Variants in PAPPA2 observed in about 807,000 individuals in gnomAD.
PAPPA2 encodes pappalysin 2, also known as pappalysin-2.
In PAPPA2, 86 loss-of-function variants were observed where a neutral mutation model predicts 176.4. The ratio of observed to expected loss-of-function variants is 0.49; its 90% CI spans 0.41 to 0.58. PAPPA2 has a LOEUF of 0.58. Among genes scored for constraint, PAPPA2 ranks in the 20% least tolerant of loss-of-function variants. The pLI, the probability that PAPPA2 is intolerant of heterozygous loss-of-function variation, is 0.00. For synonymous variants in PAPPA2, 809 were observed against 852.2 expected, an observed-to-expected ratio of 0.95 and a Z score of 0.88; for missense variants, 2,073 against 2,256.9, an observed-to-expected ratio of 0.92 and a Z score of 1.65.
intron 9 of PAPPA2, among the ~76,000 whole-genome samples, chr1:176,703,622 G>A (rs1038745288): frequency 2.6e-5 from 4 of 152,120 alleles, no homozygotes; most frequent in Admixed American, 2.0e-4. Context: ...AGCCCTAATG[G>A]GAATCAATTC....
Position 176,595,282 on chromosome 1 carries a change from C to T in PAPPA2, c.1678C>T (p.Arg560Cys), listed in dbSNP as rs575778188. The change falls in exon 3 of 23, where the codon CGC becomes TGC. Residue 560 changes from arginine to cysteine, a missense_variant. Transcript: ENST00000367662. ...CGAGGCACTGAATGAGGCCTTCAGC[C>T]GCTACAACATCAGCTGGCAGCTGAG... ...QHEALNEAFS[R>C]YNISWQLSVH... 9.9e-6 allele frequency: 16 copies of T among 1,614,172 alleles called. No individual in the cohort carries two copies. Among genetic ancestry groups the T allele is most frequent in the South Asian group, 5.5e-5 (5 of 91,082 alleles).
intron 21 of PAPPA2, among the ~76,000 whole-genome samples, chr1:176,806,871 C>T (rs1665928889): frequency 6.6e-6 from 1 of 152,182 alleles, no homozygotes; most frequent in Admixed American, 6.5e-5. Context: ...AGGTCCTTCT[C>T]TTATAGGGCC....
chr1:176,465,186 G>C (rs1271076348), intron 1 of PAPPA2, among the ~76,000 whole-genome samples: 2 of 152,156 alleles, frequency 1.3e-5, no homozygotes, highest in East Asian at 3.9e-4. Context: ...ACTTTTTGCT[G>C]TGGTAAATGC....
intron 17 of PAPPA2, among the ~76,000 whole-genome samples, chr1:176,780,714 T>G (rs1416035047): frequency 6.6e-6 from 1 of 152,178 alleles, no homozygotes; most frequent in South Asian, 2.1e-4. Context: ...CCGCAAGACC[T>G]AATATAATAA....
chr1:176,547,269 C>T (rs917026767), intron 1 of PAPPA2, among the ~76,000 whole-genome samples: 3 of 152,246 alleles, frequency 2.0e-5, no homozygotes, highest in Admixed American at 1.3e-4. Flanking sequence ...ACATTTTACC[C>T]CACTGCCACC....
At position 176,733,190 on chromosome 1, in the gene PAPPA2, T is replaced by A. The variant is rs181301656; in HGVS notation, c.3799-6436T>A. On this transcript the variant is annotated intron_variant, in intron 12 of 22. Transcript: ENST00000367662. ...TTGAGCTAAAAAGGTTAGGGACTGC[T>A]GAATTTCAGGATTCTCTACTTGAGG... Among the ~76,000 whole-genome samples the A allele has an allele frequency of 2.7e-4, 41 of 152,326 alleles. No individual in the cohort carries two copies. In the East Asian group the frequency reaches 4.2e-3, roughly 16 times the overall value.
rs1221073346 is a variant in PAPPA2, at chr1:176,800,218, C to G, written c.5202+86C>G. On this transcript the variant is annotated intron_variant, in intron 21 of 22. Coordinates refer to ENST00000367662, the MANE Select transcript of PAPPA2 (RefSeq NM_020318.3). ...AGCTTGAATCCTTCTAATTTAGGAC[C>G]TGGTCCCTCTCCTATTCCTCTGTCC... 6.1e-6 allele frequency: 8 copies of G among 1,301,012 alleles called. No homozygotes were observed. The Admixed American group carries it at 1.1e-4, about 17-fold the overall frequency. The allele number at this position is 1,301,012 out of a possible 1,614,324, so 80.6% of individuals were successfully genotyped here.
At chr1:176,789,441 T>C (rs1244837821) in intron 17 of PAPPA2, among the ~76,000 whole-genome samples, 2 of 152,024 alleles carry the variant, frequency 1.3e-5, no homozygotes, top group East Asian at 1.9e-4. Flanking sequence ...TTAGGAGATA[T>C]ACCTAATGCT....
intron 3 of PAPPA2, among the ~76,000 whole-genome samples, chr1:176,624,369 A>G (rs965647082): frequency 2.6e-5 from 4 of 152,216 alleles, no homozygotes; most frequent in Non-Finnish European, 5.9e-5. Context: ...ACTAAGCCTT[A>G]TAAATCATGA....
chr1:176,733,733 A>G (rs1008470309), intron 12 of PAPPA2, among the ~76,000 whole-genome samples: 21 of 152,254 alleles, frequency 1.4e-4, no homozygotes, highest in Middle Eastern at 3.4e-3. Flanking sequence ...TTTGTCTTAA[A>G]TGGGTTTCTC....
chr1:176,553,375 TG>T (rs1368529085), intron 1 of PAPPA2: 1 of 126,100 alleles, frequency 7.9e-6, no homozygotes, highest in Non-Finnish European at 1.7e-5. Context: ...GTTGCGGGTA[TG>T]GGGCTGTTGA....
chr1:176,508,689 A>G (rs1648435429), intron 1 of PAPPA2, among the ~76,000 whole-genome samples: 1 of 152,006 alleles, frequency 6.6e-6, no homozygotes, highest in African/African-American at 2.4e-5. Context: ...ATGTTGGGGG[A>G]GTGACCTCGT....
intron 1 of PAPPA2, among the ~76,000 whole-genome samples, chr1:176,487,631 G>T (rs1190505670): frequency 2.0e-5 from 3 of 152,186 alleles, no homozygotes; most frequent in Non-Finnish European, 4.4e-5. Context: ...GGTTCACCAA[G>T]AATTCATTGT....
chr1:176,626,889 C>CTTTT (rs547179481), intron 3 of PAPPA2, among the ~76,000 whole-genome samples: 1 of 127,776 alleles, frequency 7.8e-6, no homozygotes, highest in Non-Finnish European at 1.7e-5. Context: ...CCTGTTTTTC[C>CTTTT]TTTTTTTTTT....
At chr1:176,744,451 C>T (rs1410774976) in intron 14 of PAPPA2, among the ~76,000 whole-genome samples, 1 of 152,160 alleles carries the variant, frequency 6.6e-6, no homozygotes, top group Non-Finnish European at 1.5e-5. Context: ...ATCCTCAAAC[C>T]TCTAGGATTC....
chr1:176,484,994 A>G (rs1332278077), intron 1 of PAPPA2, among the ~76,000 whole-genome samples: 2 of 152,174 alleles, frequency 1.3e-5, no homozygotes, highest in African/African-American at 2.4e-5. Flanking sequence ...TTTAAGGGGC[A>G]ATGGTTTGCT....
intron 14 of PAPPA2, among the ~76,000 whole-genome samples, chr1:176,747,635 G>A (rs1281771769): frequency 6.6e-6 from 1 of 152,164 alleles, no homozygotes; most frequent in East Asian, 1.9e-4. Context: ...TGGCTTATGT[G>A]TGTATTAGTT....
intron 2 of PAPPA2, among the ~76,000 whole-genome samples, chr1:176,580,412 G>T (rs1016316306): frequency 3.3e-5 from 5 of 152,124 alleles, no homozygotes; most frequent in South Asian, 2.1e-4. Context: ...TTCATCCGTT[G>T]TTGGGCACTG....
intron 1 of PAPPA2, among the ~76,000 whole-genome samples, chr1:176,539,637 C>T (rs769604680): frequency 6.6e-6 from 1 of 151,942 alleles, no homozygotes; most frequent in Non-Finnish European, 1.5e-5. Context: ...TTTTTCCTAA[C>T]AAGCTATAGT....
Sources: gnomAD v4.1 joint callset for allele counts (sites outside exome capture counted in the v4.1 genomes callset) on GRCh38, gnomAD v4.1.1 for gene constraint, MANE v1.5 for transcripts, NCBI Gene and HGNC (gene_info 2026-07-23, HGNC 2026-07-21) for gene names.